Variants in MAP4K4 observed in about 807,000 individuals in gnomAD.
The protein encoded by MAP4K4 is mitogen-activated protein kinase kinase kinase kinase 4.
MAP4K4 carries 38 observed loss-of-function variants against 189.6 expected under a neutral mutation model. The ratio of observed to expected loss-of-function variants is 0.20; its 90% CI spans 0.15 to 0.26. MAP4K4 has a LOEUF of 0.26. Among genes scored for constraint, MAP4K4 ranks in the 10% least tolerant of loss-of-function variants. The pLI, the probability that MAP4K4 is intolerant of heterozygous loss-of-function variation, is 1.00. For missense variants in MAP4K4, 1,054 were observed against 1,726.9 expected, an observed-to-expected ratio of 0.61 and a Z score of 6.91; for synonymous variants, 610 against 624.3, an observed-to-expected ratio of 0.98 and a Z score of 0.34.
At position 101,884,976 on chromosome 2, in the gene MAP4K4, C is replaced by G. The variant is rs530777730; in HGVS notation, c.3521-211C>G. On this transcript the variant is annotated intron_variant, in intron 28 of 32. Coordinates refer to ENST00000324219, the Ensembl canonical transcript of MAP4K4. Reference sequence around the variant, plus strand: ...ATTATAAGAAGATTAGGATCATTAGCGAAAGTACTCATTGATGGTCAAAAT... The same window carrying G: ...ATTATAAGAAGATTAGGATCATTAGGGAAAGTACTCATTGATGGTCAAAAT... Among the ~76,000 whole-genome samples, 62 of 152,122 alleles carry G rather than the reference C, an allele frequency of 4.1e-4. No individual in the cohort carries two copies. The South Asian group carries it at 0.013, about 32-fold the overall frequency.
rs1195782399 is a variant in MAP4K4, at chr2:101,870,276, C to T, written c.2640-19C>T. The T allele has an allele frequency of 1.2e-6, 2 of 1,610,776 alleles. No individual in the cohort carries two copies. Among genetic ancestry groups the T allele is most frequent in the South Asian group, 1.1e-5 (1 of 90,322 alleles). On this transcript the variant is annotated intron_variant, in intron 22 of 32. Transcript: ENST00000324219. ...CTCCAGAGATTAAGGCCTTTCACGT[C>T]TGGATTTTTTCTCCATAGGTCATCT...
chr2:101,697,959 A>G, exon 1 of MAP4K4: 1 of 381,656 alleles, frequency 2.6e-6, no homozygotes, highest in Non-Finnish European at 4.1e-6. Flanking sequence ...CCCCGCGAGG[A>G]GAGTACCGGG....
intron 3 of MAP4K4, among the ~76,000 whole-genome samples, chr2:101,805,257 T>C (rs2094817759): frequency 6.6e-6 from 1 of 152,064 alleles, no homozygotes; most frequent in Non-Finnish European, 1.5e-5. Context: ...TGCCCTGATA[T>C]GCCTCTTGCA....
intron 9 of MAP4K4, among the ~76,000 whole-genome samples, chr2:101,836,202 A>G (rs2096745849): frequency 6.6e-6 from 1 of 152,218 alleles, no homozygotes; most frequent in Non-Finnish European, 1.5e-5. Context: ...ACCACATGAA[A>G]CACTATAACA....
chr2:101,867,275 A>T, exon 20 of MAP4K4: 1 of 1,607,934 alleles, frequency 6.2e-7, no homozygotes, highest in Non-Finnish European at 8.5e-7. Flanking sequence ...AAACCTGAAG[A>T]TAAAAAGGAA....
At chr2:101,721,080 G>GA (rs1299439920) in intron 2 of MAP4K4, among the ~76,000 whole-genome samples, 1 of 152,106 alleles carries the variant, frequency 6.6e-6, no homozygotes, top group Non-Finnish European at 1.5e-5. Flanking sequence ...TGAAAGTAGA[G>GA]AAAAAACATT....
chr2:101,888,012 G>T, intron 31 of MAP4K4, 75 bp downstream of exon 31: 1 of 1,347,884 alleles, frequency 7.4e-7, no homozygotes, highest in Non-Finnish European at 1.0e-6. Context: ...TTATCATGCT[G>T]ATTTTGTATG....
At chr2:101,699,106 C>T (rs1026910350) in intron 2 of MAP4K4, among the ~76,000 whole-genome samples, 2 of 152,156 alleles carry the variant, frequency 1.3e-5, no homozygotes, top group African/African-American at 4.8e-5. Context: ...GCAACAGCAG[C>T]AGGAAGAATT....
intron 2 of MAP4K4, among the ~76,000 whole-genome samples, chr2:101,718,396 T>C (rs149285648): frequency 0.018 from 2,717 of 152,240 alleles, 43 homozygotes; most frequent in Admixed American, 0.028. Flanking sequence ...TAGGAAGCAA[T>C]TGGAGAAACC....
chr2:101,747,033 AGTG>A (rs2065961940), intron 2 of MAP4K4, among the ~76,000 whole-genome samples: 1 of 152,180 alleles, frequency 6.6e-6, no homozygotes, highest in African/African-American at 2.4e-5. Context: ...CTGAGGGTAG[AGTG>A]GACTATGAGA....
At position 101,746,067 on chromosome 2, in the gene MAP4K4, T is replaced by C. The variant is rs2065406836; in HGVS notation, c.124-44653T>C. On this transcript the variant is annotated intron_variant, in intron 2 of 32. Transcript: ENST00000324219. ...ATACAGTGATGTGATCATAACTCAC[T>C]GCAGCCTTGAACTCCAGGGCTCAAG... Among the ~76,000 whole-genome samples the C allele has an allele frequency of 5.9e-5, 9 of 152,020 alleles. No individual in the cohort carries two copies. In the South Asian group the frequency reaches 1.9e-3, roughly 32 times the overall value.
chr2:101,716,532 T>C (rs1391233790), intron 2 of MAP4K4, among the ~76,000 whole-genome samples: 1 of 151,588 alleles, frequency 6.6e-6, no homozygotes, highest in Non-Finnish European at 1.5e-5. Flanking sequence ...AAGATACAGT[T>C]CGTGTTTTCA....
intron 12 of MAP4K4, among the ~76,000 whole-genome samples, chr2:101,848,262 T>G (rs1039270719): frequency 6.6e-6 from 1 of 152,194 alleles, no homozygotes; most frequent in East Asian, 1.9e-4. Flanking sequence ...CTATATTATT[T>G]AGGGAATAAT....
chr2:101,710,786 A>C (rs2045026320), intron 2 of MAP4K4, among the ~76,000 whole-genome samples: 2 of 152,244 alleles, frequency 1.3e-5, no homozygotes, highest in Admixed American at 1.3e-4. Flanking sequence ...TATGTGGAGC[A>C]GTGAACAGTC....
At chr2:101,828,632 T>C (rs1277530698) in intron 5 of MAP4K4, among the ~76,000 whole-genome samples, 1 of 152,142 alleles carries the variant, frequency 6.6e-6, no homozygotes, top group East Asian at 1.9e-4. Context: ...TAAAACCCCA[T>C]GAAAAAAGAA....
intron 2 of MAP4K4, among the ~76,000 whole-genome samples, chr2:101,764,812 C>G (rs1057181349): frequency 2.6e-5 from 4 of 152,122 alleles, no homozygotes; most frequent in Non-Finnish European, 5.9e-5. Context: ...TTTCCCTTTT[C>G]TCCTGCATTC....
chr2:101,781,660 G>A (rs181881134), intron 2 of MAP4K4, among the ~76,000 whole-genome samples: 136 of 152,158 alleles, frequency 8.9e-4, no homozygotes, highest in Non-Finnish European at 1.3e-3. Context: ...CTCTCATGAG[G>A]CCCCAGCTCC....
chr2:101,797,675 T>A (rs1051453720), intron 3 of MAP4K4, among the ~76,000 whole-genome samples: 3 of 152,078 alleles, frequency 2.0e-5, no homozygotes, highest in African/African-American at 7.2e-5. Context: ...TTATTTATTT[T>A]TTAAATACTG....
At chr2:101,751,888 C>T (rs1159193133) in intron 2 of MAP4K4, among the ~76,000 whole-genome samples, 2 of 152,178 alleles carry the variant, frequency 1.3e-5, no homozygotes, top group African/African-American at 4.8e-5. Context: ...TGTTTTGTTT[C>T]AGTTTGGTCC....
Sources: gnomAD v4.1 joint callset for allele counts (sites outside exome capture counted in the v4.1 genomes callset) on GRCh38, gnomAD v4.1.1 for gene constraint, MANE v1.5 for transcripts, NCBI Gene and HGNC (gene_info 2026-07-23, HGNC 2026-07-21) for gene names.